ERBB4: variants seen among roughly 807,000 people sequenced by gnomAD.
The protein encoded by ERBB4 is erb-b2 receptor tyrosine kinase 4, also known as receptor tyrosine-protein kinase erbB-4.
In ERBB4, 42 loss-of-function variants were observed where a neutral mutation model predicts 158.0. The observed-to-expected ratio is 0.27, with a 90% CI of 0.21 to 0.34. The LOEUF is 0.34. ERBB4 is among the 10% of genes least tolerant of loss of function. The pLI is 1.00. For synonymous variants in ERBB4, 583 were observed against 558.7 expected, an observed-to-expected ratio of 1.04 and a Z score of -0.61; for missense variants, 1,333 against 1,624.1, an observed-to-expected ratio of 0.82 and a Z score of 3.08.
intron 1 of ERBB4, among the ~76,000 whole-genome samples, chr2:212,265,921 C>T (rs2085117880): frequency 6.6e-6 from 1 of 151,984 alleles, no homozygotes; most frequent in African/African-American, 2.4e-5. Flanking sequence ...TTACTGTAAC[C>T]ACTGAAGTGG....
At chr2:212,301,121 CTTT>C (rs75336458) in intron 1 of ERBB4, among the ~76,000 whole-genome samples, 16 of 144,500 alleles carry the variant, frequency 1.1e-4, no homozygotes, top group African/African-American at 2.3e-4. Context: ...CATTGATATG[CTTT>C]TTTTTTTTTT....
intron 2 of ERBB4, among the ~76,000 whole-genome samples, chr2:212,021,427 A>G (rs1471119504): frequency 6.6e-6 from 1 of 152,176 alleles, no homozygotes; most frequent in Admixed American, 6.5e-5. Context: ...CACATCTATA[A>G]TCATCTGACC....
At chr2:212,162,759 A>G (rs1011157227) in intron 1 of ERBB4, among the ~76,000 whole-genome samples, 3 of 151,966 alleles carry the variant, frequency 2.0e-5, no homozygotes, top group African/African-American at 7.2e-5. Context: ...TTAAAGCTAA[A>G]TGATGGATAT....
intron 1 of ERBB4, among the ~76,000 whole-genome samples, chr2:212,505,438 GAGGACAC>G: frequency 8.1e-6 from 1 of 124,158 alleles, no homozygotes; most frequent in Non-Finnish European, 2.0e-5. Context: ...AACATCAAGT[GAGGACAC>G]AATGAGGTCA....
chr2:211,511,231 T>A (rs1009448470), intron 20 of ERBB4, among the ~76,000 whole-genome samples: 1 of 152,010 alleles, frequency 6.6e-6, no homozygotes, highest in African/African-American at 2.4e-5. Flanking sequence ...ATATATCCCT[T>A]CTTATATATT....
chr2:211,741,445 G>T (rs2074792397), intron 5 of ERBB4, among the ~76,000 whole-genome samples: 1 of 81,986 alleles, frequency 1.2e-5, no homozygotes, highest in Non-Finnish European at 2.4e-5. Flanking sequence ...AACTATATAT[G>T]TAGTTATACA....
intron 19 of ERBB4, among the ~76,000 whole-genome samples, chr2:211,573,093 T>G (rs2067780656): frequency 6.6e-6 from 1 of 152,166 alleles, no homozygotes; most frequent in Admixed American, 6.5e-5. Flanking sequence ...TCCTTGATTA[T>G]TCAGGTAGGT....
intron 19 of ERBB4, among the ~76,000 whole-genome samples, chr2:211,588,076 A>G (rs1230560139): frequency 2.0e-5 from 3 of 152,216 alleles, no homozygotes; most frequent in Admixed American, 1.3e-4. Context: ...GATCTCTAAA[A>G]TATATTAAGT....
chr2:211,820,740 T>C (rs1397828740), intron 3 of ERBB4, among the ~76,000 whole-genome samples: 1 of 151,700 alleles, frequency 6.6e-6, no homozygotes, highest in East Asian at 1.9e-4. Context: ...TAATACATAA[T>C]GATCAAGTGC....
At chr2:212,439,416 A>T (rs1319035355) in intron 1 of ERBB4, among the ~76,000 whole-genome samples, 1 of 152,152 alleles carries the variant, frequency 6.6e-6, no homozygotes, top group Non-Finnish European at 1.5e-5. Context: ...AGCTATGACA[A>T]ATGTACCGTC....
At chr2:211,846,974 T>C (rs2077604170) in intron 3 of ERBB4, among the ~76,000 whole-genome samples, 1 of 152,144 alleles carries the variant, frequency 6.6e-6, no homozygotes, top group East Asian at 1.9e-4. Context: ...ACCCTAGCTA[T>C]AACATGGTGG....
chr2:211,776,524 G>A (rs150245050), intron 4 of ERBB4, among the ~76,000 whole-genome samples: 15 of 152,090 alleles, frequency 9.9e-5, no homozygotes, highest in Non-Finnish European at 1.9e-4. Flanking sequence ...ATCTTACTAA[G>A]AGCTAATAAA....
intron 2 of ERBB4, among the ~76,000 whole-genome samples, chr2:211,956,518 A>C (rs1021136288): frequency 9.2e-5 from 14 of 152,018 alleles, no homozygotes; most frequent in Non-Finnish European, 1.9e-4. Flanking sequence ...TCCTGTCTCC[A>C]TCACTTATTG....
intron 20 of ERBB4, among the ~76,000 whole-genome samples, chr2:211,544,476 T>A (rs531606548): frequency 4.6e-5 from 7 of 152,074 alleles, no homozygotes; most frequent in Admixed American, 4.6e-4. Context: ...AACGCTTGGG[T>A]CGAGCTGAAG....
chr2:211,714,051 A>G (rs1323552195), intron 7 of ERBB4, among the ~76,000 whole-genome samples: 1 of 152,240 alleles, frequency 6.6e-6, no homozygotes. Flanking sequence ...ACTGCCTTGG[A>G]TCAGAGTACA....
Position 211,985,107 on chromosome 2 carries a change from C to T in ERBB4, c.235-37491G>A, listed in dbSNP as rs116358765. Among the ~76,000 whole-genome samples, 570 of 152,294 alleles carry T rather than the reference C, an allele frequency of 3.7e-3. 6 individuals are homozygous for T. The highest frequency in any genetic ancestry group is 0.013 in the African/African-American group (544 of 41,554). On this transcript the variant is annotated intron_variant, in intron 2 of 27. Coordinates refer to ENST00000342788, the MANE Select transcript of ERBB4 (RefSeq NM_005235.3). ...TGCATAATCCAAGCATGCTAACATA[C>T]TCACTGACAAACATTTCGGTTTTGG...
chr2:211,677,930 G>A (rs926637943), intron 13 of ERBB4, among the ~76,000 whole-genome samples: 3 of 151,944 alleles, frequency 2.0e-5, no homozygotes, highest in Admixed American at 2.0e-4. Flanking sequence ...TACTTTCAGT[G>A]AGCAACATAA....
At position 211,376,714 on chromosome 2, in the gene ERBB4, T is replaced by C. The variant is rs1423794472; in HGVS notation, c.*6901A>G. ...CATGTATAAGATGAATGTTTGAGAGTAGATTTAAGATGACTTTTTTTGTGC... is the reference window on the plus strand; with the variant it reads ...CATGTATAAGATGAATGTTTGAGAGCAGATTTAAGATGACTTTTTTTGTGC... On this transcript the variant is annotated 3_prime_UTR_variant, in exon 28 of 28. Transcript: ENST00000342788. The C allele has an allele frequency of 4.3e-6, 1 of 233,004 alleles. No homozygotes were observed. The highest frequency in any genetic ancestry group is 8.5e-6 in the Non-Finnish European group (1 of 117,638). 14.4% of individuals were successfully genotyped at this position (233,004 alleles called of 1,614,324 possible).
chr2:211,787,495 C>T (rs2076191827), intron 4 of ERBB4, among the ~76,000 whole-genome samples: 1 of 152,112 alleles, frequency 6.6e-6, no homozygotes, highest in South Asian at 2.1e-4. Flanking sequence ...TAACATGTTT[C>T]TTCTATATGA....
Sources: gnomAD v4.1 joint callset for allele counts (sites outside exome capture counted in the v4.1 genomes callset) on GRCh38, gnomAD v4.1.1 for gene constraint, MANE v1.5 for transcripts, NCBI Gene and HGNC (gene_info 2026-07-23, HGNC 2026-07-21) for gene names.